Variants in FRYL observed in about 807,000 individuals in gnomAD.
FRYL encodes the protein protein furry homolog-like.
A neutral mutation model predicts 351.2 loss-of-function variants in FRYL; 150 were observed. The ratio of observed to expected loss-of-function variants is 0.43; its 90% CI spans 0.37 to 0.49. The LOEUF (loss-of-function observed/expected upper bound fraction) is 0.49, where lower values mean the gene tolerates loss of function less well. Among genes scored for constraint, FRYL ranks in the 20% least tolerant of loss-of-function variants. The probability of loss-of-function intolerance (pLI) is 0.00; values close to 1 mark genes in which losing one functional copy is unlikely to be tolerated. For missense variants in FRYL, 3,036 were observed against 3,619.3 expected, an observed-to-expected ratio of 0.84 and a Z score of 4.13; for synonymous variants, 1,153 against 1,257.1, an observed-to-expected ratio of 0.92 and a Z score of 1.75.
At chr4:48,746,591 T>C (rs1772711816) in intron 1 of FRYL, among the ~76,000 whole-genome samples, 1 of 151,318 alleles carries the variant, frequency 6.6e-6, no homozygotes, top group Non-Finnish European at 1.5e-5. Context: ...AAAACAGGTC[T>C]GCAAATTCTT....
At chr4:48,707,969 T>C (rs1767557602) in intron 2 of FRYL, among the ~76,000 whole-genome samples, 1 of 151,578 alleles carries the variant, frequency 6.6e-6, no homozygotes, top group Non-Finnish European at 1.5e-5. Context: ...TATAGGCACG[T>C]GCCACCACAC....
chr4:48,595,885 A>G lies in FRYL; in HGVS notation c.1139+12T>C. The G allele has an allele frequency of 4.6e-6, 7 of 1,510,322 alleles. No individual in the cohort carries two copies. The highest frequency in any genetic ancestry group is 6.3e-6 in the Non-Finnish European group (7 of 1,106,584). 93.6% of individuals were successfully genotyped at this position (1,510,322 alleles called of 1,614,324 possible). A position where few individuals can be genotyped will look rare whatever the true frequency, so the allele number is the denominator to read the frequency against. The stretch of plus-strand genomic sequence containing the variant: ...ATTTATTTTTAATGCACTTTAAAGC[A>G]AAGATACTCACCTTTGAGTTACAGT... On this transcript the variant is annotated intron_variant, in intron 14 of 63. Transcript: ENST00000358350.
intron 48 of FRYL, 79 bp from the exon 49 acceptor site, chr4:48,534,764 T>C (rs1728498940): frequency 9.2e-6 from 8 of 866,528 alleles, no homozygotes; most frequent in Middle Eastern, 3.6e-4. Context: ...ATTTGACAGG[T>C]TGGAAAACAT....
At chr4:48,550,304 TA>T in intron 38 of FRYL, among the ~76,000 whole-genome samples, 1 of 151,984 alleles carries the variant, frequency 6.6e-6, no homozygotes, top group African/African-American at 2.4e-5. Context: ...GCAATCCTGC[TA>T]AAAAAAATCA....
intron 3 of FRYL, chr4:48,653,903 A>G (rs1758243348): frequency 4.8e-6 from 6 of 1,253,200 alleles, no homozygotes; most frequent in Non-Finnish European, 5.1e-6. Flanking sequence ...CTCTTCTCAC[A>G]GGCAGCAGAG....
At chr4:48,624,473 AG>A (rs1751371073) in intron 4 of FRYL, among the ~76,000 whole-genome samples, 1 of 152,172 alleles carries the variant, frequency 6.6e-6, no homozygotes, top group South Asian at 2.1e-4. Flanking sequence ...AATGCCCAAA[AG>A]GGGTCAGTCT....
intron 2 of FRYL, among the ~76,000 whole-genome samples, chr4:48,702,552 G>T (rs1766864538): frequency 6.8e-6 from 1 of 146,192 alleles, no homozygotes; most frequent in African/African-American, 2.5e-5. Context: ...GAGGCAGGCG[G>T]ATTACGAGGT....
chr4:48,741,495 G>A (rs1409681727), intron 1 of FRYL, among the ~76,000 whole-genome samples: 1 of 152,064 alleles, frequency 6.6e-6, no homozygotes, highest in Non-Finnish European at 1.5e-5. Flanking sequence ...AGCAGAGATT[G>A]CACCACTGCA....
rs770584695 is a variant in FRYL, at chr4:48,549,659, C to T, written c.4634-36G>A. On this transcript the variant is annotated intron_variant, in intron 38 of 63. Transcript: ENST00000358350. The surrounding 1 kb of genome is among the most constrained non-coding windows in gnomAD (Gnocchi z 4.2). Reference sequence around the variant, plus strand: ...AAAATGATCTCATTTTCTACACCATCTAATTTCTGCCAATATAAGCAAACT... The same window carrying T: ...AAAATGATCTCATTTTCTACACCATTTAATTTCTGCCAATATAAGCAAACT... 1 of 1,555,986 alleles carries T rather than the reference C, an allele frequency of 6.4e-7. No individual in the cohort carries two copies. Among genetic ancestry groups the T allele is most frequent in the Non-Finnish European group, 8.8e-7 (1 of 1,136,706 alleles).
At chr4:48,742,172 C>G (rs1560341520) in intron 1 of FRYL, among the ~76,000 whole-genome samples, 1 of 152,226 alleles carries the variant, frequency 6.6e-6, no homozygotes, top group Non-Finnish European at 1.5e-5. Context: ...GAACCTGAAA[C>G]TACTCTGAAA....
chr4:48,723,967 TAAC>T (rs1231627255), intron 1 of FRYL, among the ~76,000 whole-genome samples: 2 of 143,454 alleles, frequency 1.4e-5, no homozygotes, highest in Non-Finnish European at 3.0e-5. Context: ...ATAATAATAA[TAAC>T]AAAAAAAATT....
At chr4:48,687,813 C>T (rs534077200) in intron 2 of FRYL, among the ~76,000 whole-genome samples, 3 of 152,140 alleles carry the variant, frequency 2.0e-5, no homozygotes, top group South Asian at 4.2e-4. Flanking sequence ...CTCCACAATT[C>T]GAATTGAACA....
intron 3 of FRYL, among the ~76,000 whole-genome samples, chr4:48,650,052 TC>T (rs1326252775): frequency 6.6e-6 from 1 of 152,146 alleles, no homozygotes; most frequent in Non-Finnish European, 1.5e-5. Context: ...ATTTTTCATT[TC>T]TTTTTTTATA....
intron 1 of FRYL, among the ~76,000 whole-genome samples, chr4:48,750,082 T>A (rs1293812836): frequency 6.8e-6 from 1 of 148,130 alleles, no homozygotes; most frequent in East Asian, 2.0e-4. Context: ...TACAGTAAGC[T>A]GTGATCATAC....
At chr4:48,583,509 T>C (rs527759574) in intron 19 of FRYL, among the ~76,000 whole-genome samples, 1 of 151,608 alleles carries the variant, frequency 6.6e-6, no homozygotes, top group Admixed American at 6.6e-5. Flanking sequence ...AAGAAGGATA[T>C]ACAACAAATG....
chr4:48,689,610 C>T (rs1257468116), intron 2 of FRYL, among the ~76,000 whole-genome samples: 1 of 152,080 alleles, frequency 6.6e-6, no homozygotes, highest in African/African-American at 2.4e-5. Context: ...ATTTATTAAG[C>T]AGAACTATCT....
intron 23 of FRYL, 82 bp from the exon 24 acceptor site, chr4:48,576,304 CTTTTTT>C: frequency 1.3e-6 from 1 of 769,456 alleles, no homozygotes; most frequent in Non-Finnish European, 1.9e-6. Flanking sequence ...TGCTAAATTT[CTTTTTT>C]TTTTTTTTTG....
intron 1 of FRYL, among the ~76,000 whole-genome samples, chr4:48,747,912 A>C (rs1349104072): frequency 6.6e-6 from 1 of 152,242 alleles, no homozygotes; most frequent in Non-Finnish European, 1.5e-5. Context: ...GAAGATTAAG[A>C]ATGTTGCGAG....
At chr4:48,652,300 ACTGT>A (rs1229187864) in intron 3 of FRYL, among the ~76,000 whole-genome samples, 1 of 152,246 alleles carries the variant, frequency 6.6e-6, no homozygotes, top group East Asian at 1.9e-4. Context: ...TCACTATAAA[ACTGT>A]CTTACTATTT....
Sources: gnomAD v4.1 joint callset for allele counts (sites outside exome capture counted in the v4.1 genomes callset) on GRCh38, gnomAD v4.1.1 for gene constraint, Gnocchi (gnomAD v3.1) non-coding constraint, MANE v1.5 for transcripts, NCBI Gene and HGNC (gene_info 2026-07-23, HGNC 2026-07-21) for gene names.